RPTOR: variants seen among roughly 807,000 people sequenced by gnomAD.
RPTOR encodes the protein regulatory associated protein of MTOR complex 1.
A neutral mutation model predicts 169.9 loss-of-function variants in RPTOR; 21 were observed. That is an observed-to-expected ratio of 0.12 (90% confidence interval 0.09 to 0.18). RPTOR has a LOEUF of 0.18. RPTOR is among the 10% of genes least tolerant of loss of function. The pLI is 1.00. For synonymous variants in RPTOR, 732 were observed against 753.2 expected (o/e 0.97, Z 0.46); for missense variants, 1,133 against 1,855.9 (o/e 0.61, Z 7.16).
intron 20 of RPTOR, among the ~76,000 whole-genome samples, chr17:80,902,875 C>T (rs1335213115): frequency 1.3e-5 from 2 of 152,242 alleles, no homozygotes; most frequent in Non-Finnish European, 2.9e-5. Flanking sequence ...GCGTCTCGGC[C>T]AGAGTCCAAG....
intron 21 of RPTOR, among the ~76,000 whole-genome samples, chr17:80,918,504 T>TGG (rs2068705452): frequency 1.0e-5 from 1 of 98,392 alleles, no homozygotes; most frequent in Non-Finnish European, 2.3e-5. Flanking sequence ...GCGGGGGTCA[T>TGG]AGCCATGAGC....
intron 4 of RPTOR, among the ~76,000 whole-genome samples, chr17:80,724,499 G>T (rs1331875328): frequency 2.1e-5 from 3 of 145,316 alleles, no homozygotes; most frequent in Non-Finnish European, 2.9e-5. Context: ...TTTGGGTAAG[G>T]CCACCTGGAG....
intron 3 of RPTOR, among the ~76,000 whole-genome samples, chr17:80,702,164 G>A (rs555756968): frequency 4.2e-4 from 64 of 152,238 alleles, no homozygotes; most frequent in South Asian, 2.1e-4. Flanking sequence ...ACAAGAGCCC[G>A]TCACTGAGAA....
At chr17:80,838,592 G>A (rs539992389) in intron 10 of RPTOR, among the ~76,000 whole-genome samples, 4 of 152,226 alleles carry the variant, frequency 2.6e-5, no homozygotes, top group African/African-American at 4.8e-5. Flanking sequence ...TAAATAAGAC[G>A]GAGGCCCTGC....
chr17:80,841,379 A>G (rs1400081614), intron 10 of RPTOR, among the ~76,000 whole-genome samples: 2 of 92,168 alleles, frequency 2.2e-5, no homozygotes, highest in Non-Finnish European at 4.2e-5. Context: ...GCTCACACTC[A>G]CCGCACGGCA....
chr17:80,947,064 G>A lies in RPTOR; in HGVS notation c.3141-163G>A, dbSNP rs1235180256. Among the ~76,000 whole-genome samples the A allele has an allele frequency of 6.6e-6, 1 of 152,198 alleles. No homozygotes were observed. On this transcript the variant is annotated intron_variant, in intron 26 of 33. Transcript: ENST00000306801. This position sits in a 1 kb window ranked among gnomAD's most constrained non-coding sequence, Gnocchi z 4.4. ...ACTCCCAGGCTCCAACAGTCCTCCTGCTTCAGCCTCCCAAGTAGCTAGGAT... is the reference window on the plus strand; with the variant it reads ...ACTCCCAGGCTCCAACAGTCCTCCTACTTCAGCCTCCCAAGTAGCTAGGAT...
rs1008505716 is a variant in RPTOR, at chr17:80,730,716, C to G, written c.654+10C>G. The G allele has an allele frequency of 8.1e-6, 11 of 1,353,084 alleles. No homozygotes were observed. Among genetic ancestry groups the G allele is most frequent in the African/African-American group, 1.5e-5 (1 of 64,750 alleles). The allele number at this position is 1,353,084 out of a possible 1,614,324, so 83.8% of individuals were successfully genotyped here. Reference sequence around the variant, plus strand: ...GGAGCAGGAGCTGGAGGTGAGCGCTCTGGTGCTTGGAGAGCGGTGCTGGGT... The same window carrying G: ...GGAGCAGGAGCTGGAGGTGAGCGCTGTGGTGCTTGGAGAGCGGTGCTGGGT... On this transcript the variant is annotated intron_variant, in intron 5 of 33. Coordinates refer to ENST00000306801, the MANE Select transcript of RPTOR (RefSeq NM_020761.3). This position sits in a 1 kb window ranked among gnomAD's most constrained non-coding sequence, Gnocchi z 4.2.
At chr17:80,616,533 G>A (rs1425042664) in intron 1 of RPTOR, among the ~76,000 whole-genome samples, 2 of 152,074 alleles carry the variant, frequency 1.3e-5, no homozygotes, top group African/African-American at 2.4e-5. Flanking sequence ...TCCTGACCTC[G>A]TGATCTGCCT....
intron 1 of RPTOR, among the ~76,000 whole-genome samples, chr17:80,621,678 G>A (rs921875020): frequency 1.3e-5 from 2 of 152,208 alleles, no homozygotes; most frequent in African/African-American, 4.8e-5. Context: ...AGGATGAAGT[G>A]GACTGTGCGT....
intron 6 of RPTOR, among the ~76,000 whole-genome samples, chr17:80,767,058 C>T (rs956186328): frequency 1.3e-5 from 2 of 152,280 alleles, no homozygotes; most frequent in African/African-American, 4.8e-5. Context: ...AGGGCACATC[C>T]TTACTGATCC....
At chr17:80,625,845 G>C in intron 2 of RPTOR, 52 bp downstream of exon 2, 1 of 1,339,392 alleles carries the variant, frequency 7.5e-7, no homozygotes, top group Non-Finnish European at 1.1e-6. Flanking sequence ...GCCGGCTCTG[G>C]CCTGGGCGGG....
chr17:80,865,490 G>T (rs919460733), intron 13 of RPTOR, among the ~76,000 whole-genome samples: 22 of 152,274 alleles, frequency 1.4e-4, no homozygotes, highest in African/African-American at 5.3e-4. Flanking sequence ...GAGGAAGGCT[G>T]CAGGGCCTAT....
chr17:80,713,119 A>G lies in RPTOR; in HGVS notation c.507+5120A>G, dbSNP rs1244006715. Among the ~76,000 whole-genome samples, 3 of 152,218 alleles carry G rather than the reference A, an allele frequency of 2.0e-5. No homozygotes were observed. The East Asian group carries it at 5.8e-4, about 29-fold the overall frequency. ...GTTTCGCTCTTGTTGCCCAGGCTAG[A>G]GTACAATGGCGTGATCTTGGCTCAC... On this transcript the variant is annotated intron_variant, in intron 4 of 33. Transcript: ENST00000306801.
At chr17:80,934,712 C>T (rs1404550647) in intron 24 of RPTOR, among the ~76,000 whole-genome samples, 1 of 152,128 alleles carries the variant, frequency 6.6e-6, no homozygotes, top group Non-Finnish European at 1.5e-5. Context: ...CAGAAAGTTT[C>T]GCTGGCAACT....
intron 4 of RPTOR, among the ~76,000 whole-genome samples, chr17:80,728,744 T>C (rs2066362491): frequency 6.6e-6 from 1 of 152,150 alleles, no homozygotes; most frequent in African/African-American, 2.4e-5. Flanking sequence ...TGTGCTTTTT[T>C]TTTTCTCTGT....
At chr17:80,661,131 G>A (rs1426390552) in intron 3 of RPTOR, among the ~76,000 whole-genome samples, 1 of 152,184 alleles carries the variant, frequency 6.6e-6, no homozygotes, top group East Asian at 1.9e-4. Context: ...CCCTGAGCAC[G>A]GGACCAGGAT....
chr17:80,739,153 C>T (rs199998956), intron 5 of RPTOR, among the ~76,000 whole-genome samples: 1 of 34,356 alleles, frequency 2.9e-5, no homozygotes, highest in Non-Finnish European at 7.0e-5. Context: ...TCTGCCGCCA[C>T]CACGGAGGCC....
rs558129728 is a variant in RPTOR, at chr17:80,625,866, C to A, written c.265+73C>A. 3.8e-6 allele frequency: 4 copies of A among 1,045,392 alleles called. No individual in the cohort carries two copies. The African/African-American group carries it at 4.7e-5, about 12-fold the overall frequency. The allele number at this position is 1,045,392 out of a possible 1,614,324, so 64.8% of individuals were successfully genotyped here. ...TCTGGCCTGGGCGGGGCTCGCCAAG[C>A]CTGTGGTCTGGTCCAGGGGCCCGTC... On this transcript the variant is annotated intron_variant, in intron 2 of 33. Transcript: ENST00000306801.
intron 13 of RPTOR, among the ~76,000 whole-genome samples, chr17:80,864,402 T>C (rs1343355804): frequency 6.7e-6 from 1 of 150,058 alleles, no homozygotes; most frequent in African/African-American, 2.5e-5. Context: ...ACAGATTTCC[T>C]ACAGATGGAA....
Sources: allele counts gnomAD v4.1 joint callset (sites outside exome capture counted in the v4.1 genomes callset), GRCh38; gene constraint gnomAD v4.1.1; non-coding constraint Gnocchi (gnomAD v3.1); transcripts MANE v1.5; gene names NCBI Gene and HGNC (gene_info 2026-07-23, HGNC 2026-07-21).